The following NBEAL1 variants were observed in gnomAD, a reference collection of about 807,000 sequenced individuals.
NBEAL1 encodes the protein neurobeachin-like protein 1.
A neutral mutation model predicts 351.3 loss-of-function variants in NBEAL1; 273 were observed. The ratio of observed to expected loss-of-function variants is 0.78; its 90% confidence interval spans 0.70 to 0.86. The LOEUF (loss-of-function observed/expected upper bound fraction) is 0.86, where lower values mean the gene tolerates loss of function less well. Ranked by LOEUF, NBEAL1 falls within the 40% of genes least tolerant of loss-of-function variation. The pLI, the probability that NBEAL1 is intolerant of heterozygous loss-of-function variation, is 0.00. For synonymous variants in NBEAL1, 1,050 were observed against 1,086.4 expected, an observed-to-expected ratio of 0.97 and a Z score of 0.66; for missense variants, 2,961 against 3,201.3, an observed-to-expected ratio of 0.92 and a Z score of 1.81.
At chr2:203,060,231 G>A (rs762940103) in intron 6 of NBEAL1, among the ~76,000 whole-genome samples, 17 of 152,000 alleles carry the variant, frequency 1.1e-4, no homozygotes, top group Non-Finnish European at 1.9e-4. Context: ...TTTATAAAAA[G>A]GCAGCTCTGA....
intron 6 of NBEAL1, 86 bp from the exon 7 acceptor site, chr2:203,068,307 T>G: frequency 3.2e-6 from 2 of 616,032 alleles, no homozygotes; most frequent in Non-Finnish European, 5.5e-6. Context: ...AAAGTAATAT[T>G]AAATTTGTTT....
chr2:203,195,710 T>A (rs769069299), intron 47 of NBEAL1, among the ~76,000 whole-genome samples: 2 of 152,024 alleles, frequency 1.3e-5, no homozygotes, highest in African/African-American at 2.4e-5. Context: ...CCTAGTGGAG[T>A]CACATAAGAT....
intron 2 of NBEAL1, among the ~76,000 whole-genome samples, chr2:203,019,974 G>T (rs1009631753): frequency 1.3e-5 from 2 of 151,980 alleles, no homozygotes; most frequent in African/African-American, 4.8e-5. Flanking sequence ...CAATTTATTT[G>T]ATTTTATTTT....
chr2:203,014,927 G>T lies in NBEAL1; in HGVS notation c.-285G>T, dbSNP rs1025598006. ...GACACGGGGCTTCGCCTTGGGAAGGGGTCGAGGGAAGCAGTTAGACGGCTG... is the reference window on the plus strand; with the variant it reads ...GACACGGGGCTTCGCCTTGGGAAGGTGTCGAGGGAAGCAGTTAGACGGCTG... On this transcript the variant is annotated 5_prime_UTR_variant, in exon 1 of 56. Coordinates refer to ENST00000683969, the MANE Select transcript of NBEAL1 (RefSeq NM_001378026.1). The T allele has an allele frequency of 1.3e-5, 2 of 152,272 alleles. No homozygotes were observed. The highest frequency in any genetic ancestry group is 4.8e-5 in the African/African-American group (2 of 41,452). 9.4% of individuals were successfully genotyped at this position (152,272 alleles called of 1,614,324 possible). A position where few individuals can be genotyped will look rare whatever the true frequency, so the allele number is the denominator to read the frequency against.
chr2:203,212,814 C>A (rs2065823464), intron 54 of NBEAL1, among the ~76,000 whole-genome samples: 1 of 151,974 alleles, frequency 6.6e-6, no homozygotes, highest in Admixed American at 6.6e-5. Flanking sequence ...GGAGGGCCTT[C>A]TTTTGGAGAT....
Position 203,038,645 on chromosome 2 carries a change from T to C in NBEAL1, c.52-3120T>C. 1.3e-5 allele frequency among the ~76,000 whole-genome samples: 2 copies of C among 148,892 alleles called. 1 individual carries two copies. Among genetic ancestry groups the C allele is most frequent in the Non-Finnish European group, 3.0e-5 (2 of 66,434 alleles). On this transcript the variant is annotated intron_variant, in intron 2 of 55. Transcript: ENST00000683969. Reference sequence around the variant, plus strand: ...TGGTTTGTCTTTCCATTTTCTTTTTTCTTTAGAGTCTCACTCTGGCACCAG... The same window carrying C: ...TGGTTTGTCTTTCCATTTTCTTTTTCCTTTAGAGTCTCACTCTGGCACCAG...
chr2:203,073,204 G>T (rs2061710848), intron 7 of NBEAL1, among the ~76,000 whole-genome samples: 1 of 152,142 alleles, frequency 6.6e-6, no homozygotes, highest in African/African-American at 2.4e-5. Context: ...TGCCCAGTGT[G>T]AAAAGGTTTT....
chr2:203,171,994 A>C lies in NBEAL1; in HGVS notation c.6169A>C (p.Thr2057Pro), dbSNP rs758762307. The change falls in exon 40 of 56, where the codon ACC becomes CCC. Residue 2057 changes from threonine to proline, a missense_variant. Thr to Pro is a conservative substitution (Grantham distance 38). Transcript: ENST00000683969. ...TCAAATAAATACAATGGCAGGACGAACCTATAATGACCTTGCACAGTATCC... is the reference window on the plus strand; with the variant it reads ...TCAAATAAATACAATGGCAGGACGACCCTATAATGACCTTGCACAGTATCC... Reference protein sequence around the residue: ...LIQINTMAGRTYNDLAQYPVF... With the variant: ...LIQINTMAGRPYNDLAQYPVF... 8 of 1,606,130 alleles carry C rather than the reference A, an allele frequency of 5.0e-6. No homozygotes were observed. The highest frequency in any genetic ancestry group is 8.5e-7 in the Non-Finnish European group (1 of 1,177,188).
chr2:203,049,080 C>T (rs1322558538), intron 3 of NBEAL1, among the ~76,000 whole-genome samples: 1 of 152,002 alleles, frequency 6.6e-6, no homozygotes, highest in East Asian at 1.9e-4. Context: ...AATCTTGGCT[C>T]ACTGCAACCT....
At chr2:203,177,845 C>G (rs7569864) in intron 42 of NBEAL1, among the ~76,000 whole-genome samples, 88,581 of 151,550 alleles carry the variant, frequency 0.58, 27,235 homozygotes, top group Middle Eastern at 0.78. Context: ...ATGGTAAAAC[C>G]CTGTCTCTAC....
chr2:203,040,954 G>A lies in NBEAL1; in HGVS notation c.52-811G>A, dbSNP rs572484059. 4.1e-4 allele frequency: 116 copies of A among 284,996 alleles called. 1 individual carries two copies. In the South Asian group the frequency reaches 4.5e-3, roughly 11 times the overall value. 17.7% of individuals were successfully genotyped at this position (284,996 alleles called of 1,614,324 possible). ...GGAAGCATGTGTTTTTGTTTTGGGG[G>A]GAATTATCATCAGGTATCTTCAGAG... On this transcript the variant is annotated intron_variant, in intron 2 of 55. Coordinates refer to ENST00000683969, the MANE Select transcript of NBEAL1 (RefSeq NM_001378026.1).
chr2:203,072,425 A>C (rs1299617371), intron 7 of NBEAL1, among the ~76,000 whole-genome samples: 1 of 150,696 alleles, frequency 6.6e-6, no homozygotes, highest in Non-Finnish European at 1.5e-5. Context: ...TTTTTTTTTA[A>C]ATTTGGATAG....
Position 203,099,993 on chromosome 2 carries a change from G to A in NBEAL1, c.1269+281G>A, listed in dbSNP as rs554226392. ...CTCCCACTTATATGTAAAAACATGT[G>A]GTATTTGGTTTTCTATTCCTGTGTT... On this transcript the variant is annotated intron_variant, in intron 12 of 55. Coordinates refer to ENST00000683969, the MANE Select transcript of NBEAL1 (RefSeq NM_001378026.1). Among the ~76,000 whole-genome samples, 303 of 152,134 alleles carry A rather than the reference G, an allele frequency of 2.0e-3. 1 individual carries two copies. The highest frequency in any genetic ancestry group is 6.8e-3 in the African/African-American group (282 of 41,484).
In NBEAL1 at chr2:203,198,020, C is replaced by CTT. The variant is rs71034228; in HGVS notation, c.7128+645_7128+646dup. Among the ~76,000 whole-genome samples, 411 of 118,580 alleles carry CTT rather than the reference C, an allele frequency of 3.5e-3. 16 individuals carry two copies. Among genetic ancestry groups the CTT allele is most frequent in the East Asian group, 0.011 (43 of 3,992 alleles). 77.8% of individuals were successfully genotyped at this position (118,580 alleles called of 152,430 possible). ...TTATATATATATTTTTTTTTCTTTT[C>CTT]TTTTTTTTTTTTTTTTTGAGACAGA... On this transcript the variant is annotated intron_variant, in intron 48 of 55. Transcript: ENST00000683969.
chr2:203,074,132 T>A (rs533383545), intron 7 of NBEAL1, among the ~76,000 whole-genome samples: 2 of 152,256 alleles, frequency 1.3e-5, no homozygotes, highest in African/African-American at 4.8e-5. Context: ...TGTGAGGTAA[T>A]GTGTATATGT....
chr2:203,160,852 G>A (rs1478227744), intron 36 of NBEAL1, among the ~76,000 whole-genome samples: 1 of 152,074 alleles, frequency 6.6e-6, no homozygotes, highest in Non-Finnish European at 1.5e-5. Context: ...ATTGTCTGTG[G>A]GTCAGCATAG....
chr2:203,175,153 A>G lies in NBEAL1; in HGVS notation c.6330A>G (p.Glu2110=), dbSNP rs2064459550. 1 of 1,609,604 alleles carries G rather than the reference A, an allele frequency of 6.2e-7. No individual in the cohort carries two copies. The highest frequency in any genetic ancestry group is 1.7e-5 in the Admixed American group (1 of 59,240). ...KNAKAMREKY[E]NFEDPMGTID... is the part of the protein sequence containing the mutation. ...TAGGATTTTTTCCCCACAGATATGA[A>G]AATTTTGAGGATCCTATGGGAACTA... Residue 2110 remains glutamate (E), a synonymous_variant, in exon 42 of 56, where the codon GAA becomes GAG. Coordinates refer to ENST00000683969, the MANE Select transcript of NBEAL1 (RefSeq NM_001378026.1).
chr2:203,214,781 T>C (rs2105861217), intron 55 of NBEAL1, among the ~76,000 whole-genome samples: 1 of 152,312 alleles, frequency 6.6e-6, no homozygotes, highest in East Asian at 1.9e-4. Context: ...TACTACAGTT[T>C]AGAATATGAA....
chr2:203,206,766 G>T (rs1351301826), intron 51 of NBEAL1, among the ~76,000 whole-genome samples: 11 of 151,844 alleles, frequency 7.2e-5, no homozygotes, highest in Non-Finnish European at 1.2e-4. Context: ...TCTCGGCTCG[G>T]TACAACATCC....
Sources: allele counts gnomAD v4.1 joint callset (sites outside exome capture counted in the v4.1 genomes callset), GRCh38; gene constraint gnomAD v4.1.1; transcripts MANE v1.5; gene names NCBI Gene and HGNC (gene_info 2026-07-23, HGNC 2026-07-21).